The following IL1A variants were observed in gnomAD, a reference collection of about 807,000 sequenced individuals.
IL1A encodes the protein interleukin-1 alpha.
IL1A carries 16 observed loss-of-function variants against 22.2 expected under a neutral mutation model. That is an observed-to-expected ratio of 0.72 (90% confidence interval 0.49 to 1.09). The LOEUF is 1.09. Ranked by LOEUF, IL1A falls within the 50% of genes least tolerant of loss-of-function variation. The probability of loss-of-function intolerance (pLI) is 0.00; values close to 1 mark genes in which losing one functional copy is unlikely to be tolerated. For synonymous variants in IL1A, 113 were observed against 118.5 expected, an observed-to-expected ratio of 0.95 and a Z score of 0.30; for missense variants, 317 against 321.8, an observed-to-expected ratio of 0.99 and a Z score of 0.11.
In IL1A at chr2:112,774,922, T is replaced by C. The variant is rs1343896692; in HGVS notation, c.*145A>G. The C allele has an allele frequency of 1.2e-5, 8 of 640,986 alleles. No individual in the cohort carries two copies. Among genetic ancestry groups the C allele is most frequent in the Non-Finnish European group, 1.9e-5 (7 of 363,610 alleles). The allele number at this position is 640,986 out of a possible 1,614,324, so 39.7% of individuals were successfully genotyped here. A position where few individuals can be genotyped will look rare whatever the true frequency, so the allele number is the denominator to read the frequency against. ...TATATGTTAGTGTTGGTTCCACTCT[T>C]ACAAAGAGTGTAAACATTCATTTAG... On this transcript the variant is annotated 3_prime_UTR_variant, in exon 7 of 7. Transcript: ENST00000263339.
At chr2:112,783,900 C>T (rs1393808324) in intron 1 of IL1A, 122 bp from the exon 2 acceptor site, 4 of 810,756 alleles carry the variant, frequency 4.9e-6, no homozygotes, top group African/African-American at 1.7e-5. Context: ...CCACATTCAG[C>T]ATTTTCTCCA....
In IL1A at chr2:112,781,665, C is replaced by T; in HGVS notation, c.258G>A (p.Leu86=). The change falls in exon 4 of 7, where the codon TTG becomes TTA. Residue 86 remains leucine, a synonymous_variant. Coordinates refer to ENST00000263339, the MANE Select transcript of IL1A (RefSeq NM_000575.5). ...TNGKVLKKRR[L]SLSQSITDDD... The stretch of plus-strand genomic sequence containing the variant: ...CATCAGTGATGGATTGGCTTAAACT[C>T]AACCGTCTCTTCTTCAGAACCTTCC... 1.9e-6 allele frequency: 3 copies of T among 1,614,212 alleles called. No homozygotes were observed. The highest frequency in any genetic ancestry group is 1.1e-5 in the South Asian group (1 of 91,086).
chr2:112,780,074 T>C (rs1288729345), intron 4 of IL1A, among the ~76,000 whole-genome samples: 3 of 152,222 alleles, frequency 2.0e-5, no homozygotes, highest in African/African-American at 7.2e-5. Context: ...AAGTGGCACA[T>C]ATCAATAGCG....
chr2:112,778,193 G>GGTGTGTGTGT lies in IL1A; in HGVS notation c.491-92_491-83dup, dbSNP rs3074430. ...GTGTTGATGTAGATTGTGTGTGCAT[G>GGTGTGTGTGT]GTGTGTGTGTGTGTGTGTGTGTGTG... On this transcript the variant is annotated intron_variant, in intron 5 of 6. Coordinates refer to ENST00000263339, the MANE Select transcript of IL1A (RefSeq NM_000575.5). 4,042 of 662,304 alleles carry GGTGTGTGTGT rather than the reference G, an allele frequency of 6.1e-3. 13 individuals carry two copies. Among genetic ancestry groups the GGTGTGTGTGT allele is most frequent in the Non-Finnish European group, 6.4e-3 (2,575 of 401,842 alleles). The allele number at this position is 662,304 out of a possible 1,614,324, so 41.0% of individuals were successfully genotyped here.
chr2:112,783,626 G>T, intron 2 of IL1A, 98 bp downstream of exon 2: 1 of 976,918 alleles, frequency 1.0e-6, no homozygotes, highest in Non-Finnish European at 1.7e-6. Context: ...TACAACCTCT[G>T]CCGGCCTGCC....
intron 5 of IL1A, 78 bp from the exon 6 acceptor site, chr2:112,778,189 GCA>G: frequency 8.3e-7 from 1 of 1,206,770 alleles, no homozygotes. Flanking sequence ...GATTGTGTGT[GCA>G]TGGTGTGTGT....
intron 6 of IL1A, among the ~76,000 whole-genome samples, chr2:112,775,481 C>T (rs1201161793): frequency 6.6e-6 from 1 of 152,118 alleles, no homozygotes; most frequent in Non-Finnish European, 1.5e-5. Context: ...GAGTTGATTT[C>T]CTTAGTTGAT....
At chr2:112,778,146 C>G in intron 5 of IL1A, 35 bp from the exon 6 acceptor site, 1 of 1,590,566 alleles carries the variant, frequency 6.3e-7, no homozygotes, top group South Asian at 1.1e-5. Context: ...AAAGTAAATT[C>G]ATTGTATTTG....
intron 6 of IL1A, among the ~76,000 whole-genome samples, chr2:112,777,528 A>C (rs1173126599): frequency 6.6e-6 from 1 of 152,144 alleles, no homozygotes; most frequent in African/African-American, 2.4e-5. Flanking sequence ...ATGCAGAGAG[A>C]GGGGAACTGG....
rs946530818 is a variant in IL1A at position 112,783,703 on chromosome 2, G to A, written c.47+21C>T. On this transcript the variant is annotated intron_variant, in intron 2 of 6. Coordinates refer to ENST00000263339, the MANE Select transcript of IL1A (RefSeq NM_000575.5). ...CCTTGAAACCCTCATTAAATCACAA[G>A]AGATAAATCTTATTCCTTACCTGTA... is the stretch of plus-strand genomic sequence containing the variant. The A allele has an allele frequency of 3.1e-6, 5 of 1,604,020 alleles. No individual in the cohort carries two copies. The African/African-American group carries it at 6.7e-5, about 21-fold the overall frequency.
chr2:112,779,761 G>C, intron 4 of IL1A, 95 bp from the exon 5 acceptor site: 1 of 827,150 alleles, frequency 1.2e-6, no homozygotes, highest in African/African-American at 1.7e-5. Context: ...TTCTGGAGGG[G>C]ATATTAGGAA....
At chr2:112,779,293 G>A (rs1451673246) in intron 5 of IL1A, among the ~76,000 whole-genome samples, 1 of 152,194 alleles carries the variant, frequency 6.6e-6, no homozygotes, top group African/African-American at 2.4e-5. Context: ...CTTCTCTCTT[G>A]TGGAACTTCC....
At chr2:112,782,600 C>A in intron 3 of IL1A, 116 bp downstream of exon 3, 1 of 729,240 alleles carries the variant, frequency 1.4e-6, no homozygotes, top group Non-Finnish European at 2.4e-6. Flanking sequence ...GGTCTCTGGA[C>A]CTCTAGTGAG....
At chr2:112,783,486 C>G (rs911883227) in intron 2 of IL1A, among the ~76,000 whole-genome samples, 1 of 152,188 alleles carries the variant, frequency 6.6e-6, no homozygotes, top group African/African-American at 2.4e-5. Context: ...TAGGGCTCAG[C>G]AGACCTCAAA....
chr2:112,780,617 A>G lies in IL1A; in HGVS notation c.320-951T>C, dbSNP rs112022400. ...TGCCATTGGGCAGTTTACCTATCTC[A>G]ATGAGCTTAGTTTCCTTTTATGTAA... On this transcript the variant is annotated intron_variant, in intron 4 of 6. Coordinates refer to ENST00000263339, the MANE Select transcript of IL1A (RefSeq NM_000575.5). Among the ~76,000 whole-genome samples, 1,292 of 152,310 alleles carry G rather than the reference A, an allele frequency of 8.5e-3. 11 individuals carry two copies. The highest frequency in any genetic ancestry group is 0.013 in the South Asian group (65 of 4,826).
chr2:112,776,027 T>C (rs973138876), intron 6 of IL1A, among the ~76,000 whole-genome samples: 1 of 152,194 alleles, frequency 6.6e-6, no homozygotes, highest in African/African-American at 2.4e-5. Flanking sequence ...CTTTTTCCCT[T>C]CTCAGTAAAT....
At chr2:112,781,029 A>T (rs1173657268) in intron 4 of IL1A, among the ~76,000 whole-genome samples, 29 of 151,882 alleles carry the variant, frequency 1.9e-4, no homozygotes, top group African/African-American at 6.8e-4. Context: ...CAAAAAAATA[A>T]AATAAAATAA....
chr2:112,781,187 C>G (rs1038476876), intron 4 of IL1A, among the ~76,000 whole-genome samples: 2 of 152,096 alleles, frequency 1.3e-5, no homozygotes, highest in Non-Finnish European at 2.9e-5. Flanking sequence ...AAGCCTGAGA[C>G]TCTTAATCTT....
intron 6 of IL1A, among the ~76,000 whole-genome samples, chr2:112,776,912 C>T (rs1237359767): frequency 2.4e-4 from 2 of 8,426 alleles, no homozygotes; most frequent in African/African-American, 1.2e-3. Context: ...AACCACGACC[C>T]GCCCCCTCCT....
Sources: gnomAD v4.1 joint callset for allele counts (sites outside exome capture counted in the v4.1 genomes callset) on GRCh38, gnomAD v4.1.1 for gene constraint, MANE v1.5 for transcripts, NCBI Gene and HGNC (gene_info 2026-07-23, HGNC 2026-07-21) for gene names.